GHR: variants seen among roughly 807,000 people sequenced by gnomAD.
The protein encoded by GHR is GH receptor.
GHR carries 35 observed loss-of-function variants against 67.1 expected under a neutral mutation model. That is an observed-to-expected ratio of 0.52 (90% CI 0.40 to 0.69). The LOEUF (loss-of-function observed/expected upper bound fraction) is 0.69, where lower values mean the gene tolerates loss of function less well. Among genes scored for constraint, GHR ranks in the 30% least tolerant of loss-of-function variants. The probability of loss-of-function intolerance (pLI) is 0.00; values close to 1 mark genes in which losing one functional copy is unlikely to be tolerated. For missense variants in GHR, 792 were observed against 764.6 expected (o/e 1.04, Z -0.42); for synonymous variants, 272 against 269.1 (o/e 1.01, Z -0.10).
intron 4 of GHR, among the ~76,000 whole-genome samples, chr5:42,690,715 ATGAAG>A (rs1757382618): frequency 6.6e-6 from 1 of 152,172 alleles, no homozygotes; most frequent in African/African-American, 2.4e-5. Flanking sequence ...GGTCTCTTGG[ATGAAG>A]TGAAGTGAAG....
intron 1 of GHR, among the ~76,000 whole-genome samples, chr5:42,466,578 G>T (rs1044275915): frequency 5.3e-5 from 8 of 152,130 alleles, no homozygotes; most frequent in African/African-American, 1.4e-4. Context: ...AAGCAAAAAA[G>T]ACCTTTCCCC....
chr5:42,654,634 C>T (rs1280457731), intron 3 of GHR, among the ~76,000 whole-genome samples: 1 of 151,960 alleles, frequency 6.6e-6, no homozygotes, highest in Non-Finnish European at 1.5e-5. Flanking sequence ...GAGTTGAGAC[C>T]CAAAAAGATA....
intron 3 of GHR, among the ~76,000 whole-genome samples, chr5:42,682,230 C>T (rs1226994166): frequency 6.6e-6 from 1 of 152,146 alleles, no homozygotes; most frequent in Non-Finnish European, 1.5e-5. Context: ...TGATAATTCA[C>T]TTAGGGGCAA....
chr5:42,576,222 G>A (rs1232629619), intron 2 of GHR, among the ~76,000 whole-genome samples: 1 of 151,764 alleles, frequency 6.6e-6, no homozygotes, highest in African/African-American at 2.4e-5. Flanking sequence ...CAGTGACTTT[G>A]GTAGTTTCTT....
chr5:42,662,966 C>T (rs1029842482), intron 3 of GHR, among the ~76,000 whole-genome samples: 1 of 152,158 alleles, frequency 6.6e-6, no homozygotes, highest in Non-Finnish European at 1.5e-5. Flanking sequence ...ACTACAAACA[C>T]CTCTACACAA....
intron 1 of GHR, among the ~76,000 whole-genome samples, chr5:42,430,607 C>CATGTGT (rs1554050623): frequency 1.4e-5 from 2 of 147,408 alleles, no homozygotes; most frequent in Admixed American, 6.8e-5. Flanking sequence ...ATGCTAGTCC[C>CATGTGT]GTGTGTGTGT....
chr5:42,660,865 A>G (rs965208345), intron 3 of GHR, among the ~76,000 whole-genome samples: 2 of 152,178 alleles, frequency 1.3e-5, no homozygotes, highest in Non-Finnish European at 2.9e-5. Flanking sequence ...TCTGAAAAAA[A>G]TTTAGAAGAA....
chr5:42,685,790 TG>T (rs1478260214), intron 3 of GHR, among the ~76,000 whole-genome samples: 1 of 152,186 alleles, frequency 6.6e-6, no homozygotes, highest in African/African-American at 2.4e-5. Context: ...TTGATGGGGT[TG>T]TTTTTTTTCT....
chr5:42,480,327 T>C (rs1283554234), intron 1 of GHR, among the ~76,000 whole-genome samples: 1 of 152,206 alleles, frequency 6.6e-6, no homozygotes, highest in Non-Finnish European at 1.5e-5. Context: ...AATTTTGGAA[T>C]AGGTGTGGTA....
chr5:42,515,934 C>T (rs1217224017), intron 1 of GHR, among the ~76,000 whole-genome samples: 1 of 152,128 alleles, frequency 6.6e-6, no homozygotes, highest in Non-Finnish European at 1.5e-5. Flanking sequence ...AGAATAAGCC[C>T]ACTGAAAACT....
intron 1 of GHR, among the ~76,000 whole-genome samples, chr5:42,470,086 ATATTATAT>A (rs772752624): frequency 2.7e-4 from 39 of 146,404 alleles, no homozygotes; most frequent in Admixed American, 4.8e-4. Context: ...TGTAAATAAC[ATATTATAT>A]TATATGTCAA....
At chr5:42,564,643 C>G (rs1749822547) in intron 1 of GHR, among the ~76,000 whole-genome samples, 1 of 152,158 alleles carries the variant, frequency 6.6e-6, no homozygotes, top group Non-Finnish European at 1.5e-5. Context: ...TAAAGTACGT[C>G]AAGAATTTTA....
chr5:42,468,656 C>A, intron 1 of GHR: 2 of 1,036,464 alleles, frequency 1.9e-6, no homozygotes, highest in Non-Finnish European at 3.0e-6. Context: ...GGACTCCTTG[C>A]GCAGCTAGCT....
chr5:42,720,028 A>T lies in GHR; in HGVS notation c.*604A>T, dbSNP rs1758944766. On this transcript the variant is annotated 3_prime_UTR_variant, in exon 10 of 10. Transcript: ENST00000230882. ...TATTACACTACACACTGTGTACTGC[A>T]GTTGGTATGACCCCTCTAAGGAGTG... The T allele has an allele frequency of 6.1e-6, 1 of 163,082 alleles. No individual in the cohort carries two copies. Among genetic ancestry groups the T allele is most frequent in the African/African-American group, 2.4e-5 (1 of 41,488 alleles). The allele number at this position is 163,082 out of a possible 1,614,324, so 10.1% of individuals were successfully genotyped here.
At chr5:42,671,011 G>A (rs1176678601) in intron 3 of GHR, among the ~76,000 whole-genome samples, 1 of 151,720 alleles carries the variant, frequency 6.6e-6, no homozygotes, top group African/African-American at 2.4e-5. Context: ...GATGAACATA[G>A]ACACAAAAAT....
chr5:42,455,446 G>C (rs1305041157), intron 1 of GHR, among the ~76,000 whole-genome samples: 2 of 152,250 alleles, frequency 1.3e-5, no homozygotes, highest in East Asian at 3.9e-4. Flanking sequence ...CTTCTCTTTA[G>C]ATAGCTGAGA....
chr5:42,527,245 A>G (rs1476595374), intron 1 of GHR, among the ~76,000 whole-genome samples: 2 of 152,196 alleles, frequency 1.3e-5, no homozygotes, highest in Non-Finnish European at 2.9e-5. Flanking sequence ...CTGAATGTAA[A>G]TGGGCTAAAT....
At chr5:42,485,625 A>C (rs1745845159) in intron 1 of GHR, among the ~76,000 whole-genome samples, 1 of 152,040 alleles carries the variant, frequency 6.6e-6, no homozygotes, top group South Asian at 2.1e-4. Context: ...CTTAAGAAAA[A>C]CCTTGTCTTC....
At chr5:42,552,518 C>T (rs1749086883) in intron 1 of GHR, among the ~76,000 whole-genome samples, 1 of 152,130 alleles carries the variant, frequency 6.6e-6, no homozygotes, top group Non-Finnish European at 1.5e-5. Context: ...TGTTGATTTA[C>T]ATGTTCAAAA....
Sources: gnomAD v4.1 joint callset for allele counts (sites outside exome capture counted in the v4.1 genomes callset) on GRCh38, gnomAD v4.1.1 for gene constraint, MANE v1.5 for transcripts, NCBI Gene and HGNC (gene_info 2026-07-23, HGNC 2026-07-21) for gene names.